ZC3H13: variants seen among roughly 807,000 people sequenced by gnomAD.
ZC3H13 encodes the protein zinc finger CCCH-type containing 13.
In ZC3H13, 64 loss-of-function variants were observed where a neutral mutation model predicts 204.1. That is an observed-to-expected ratio of 0.31 (90% CI 0.26 to 0.39). ZC3H13 has a LOEUF of 0.39. Among genes scored for constraint, ZC3H13 ranks in the 10% least tolerant of loss-of-function variants. The pLI, the probability that ZC3H13 is intolerant of heterozygous loss-of-function variation, is 1.00. For synonymous variants in ZC3H13, 667 were observed against 693.7 expected, an observed-to-expected ratio of 0.96 and a Z score of 0.60; for missense variants, 1,833 against 2,082.7, an observed-to-expected ratio of 0.88 and a Z score of 2.33.
intron 4 of ZC3H13, among the ~76,000 whole-genome samples, chr13:46,028,396 T>C (rs929640771): frequency 6.6e-6 from 1 of 152,156 alleles, no homozygotes; most frequent in African/African-American, 2.4e-5. Context: ...CCTTCCATCA[T>C]AAATGGAAAG....
Position 46,003,259 on chromosome 13 carries a change from G to A in ZC3H13, c.824C>T (p.Ala275Val). 1 of 1,612,868 alleles carries A rather than the reference G, an allele frequency of 6.2e-7. No individual in the cohort carries two copies. Among genetic ancestry groups the A allele is most frequent in the Non-Finnish European group, 8.5e-7 (1 of 1,179,692 alleles). ...TTTTTCTTTGTATTTTTTCCCCAGA[G>A]CGATATCTTCTGGTATAGGAGGGGG... ...SPPPPIPEDI[A>V]LGKKYKEKYK... The change falls in exon 8 of 19, where the codon GCT (alanine) becomes GTT (valine). Residue 275 changes from alanine to valine, a missense_variant. Transcript: ENST00000679008.
Position 46,011,428 on chromosome 13 carries a change from A to G in ZC3H13, c.575T>C (p.Ile192Thr), listed in dbSNP as rs1441200201. ...TAAATAGCATACCTCCTTTTTAATG[A>G]TAATTTCTTCTCTCTTCTCCATGTT... ...QENMEKREEIIIKKEVSPEVV... is the reference protein window; with the variant it reads ...QENMEKREEITIKKEVSPEVV... The change falls in exon 6 of 19, where the codon ATC (isoleucine) becomes ACC (threonine). Residue 192 changes from isoleucine to threonine, a missense_variant. Coordinates refer to ENST00000679008, the MANE Select transcript of ZC3H13 (RefSeq NM_001330564.2). 3.7e-6 allele frequency: 6 copies of G among 1,604,840 alleles called. No homozygotes were observed. The African/African-American group carries it at 8.1e-5, about 22-fold the overall frequency.
chr13:45,992,076 A>T (rs1341792280), intron 8 of ZC3H13, among the ~76,000 whole-genome samples: 1 of 152,174 alleles, frequency 6.6e-6, no homozygotes, highest in African/African-American at 2.4e-5. Flanking sequence ...TCATATTTTA[A>T]CCTTTAAAAT....
chr13:45,964,133 C>A, intron 16 of ZC3H13, 91 bp from the exon 17 acceptor site: 1 of 1,284,366 alleles, frequency 7.8e-7, no homozygotes. Flanking sequence ...AAGGAGAAAA[C>A]AGAAAAAATG....
chr13:45,975,412 CTT>C lies in ZC3H13; in HGVS notation c.2337_2338del (p.Arg780GlyfsTer2). The C allele has an allele frequency of 6.2e-7, 1 of 1,614,000 alleles. No homozygotes were observed. The highest frequency in any genetic ancestry group is 1.7e-5 in the Admixed American group (1 of 59,994). On this transcript the variant is annotated frameshift_variant, in exon 12 of 19. Coordinates refer to ENST00000679008, the MANE Select transcript of ZC3H13 (RefSeq NM_001330564.2). LOFTEE classifies it high-confidence loss of function. ...CCTTTGGCGTTCTCGTTCTTTATCC[CTT>C]TCTCTCGCTCTTTCTCGTTCCCGTT...
At chr13:46,029,291 A>C (rs2042728778) in intron 4 of ZC3H13, among the ~76,000 whole-genome samples, 1 of 152,222 alleles carries the variant, frequency 6.6e-6, no homozygotes, top group Non-Finnish European at 1.5e-5. Flanking sequence ...TCTATTTTAA[A>C]AATTGAATCA....
At position 45,985,627 on chromosome 13, in the gene ZC3H13, T is replaced by C; in HGVS notation, c.1390A>G (p.Thr464Ala). Residue 464 changes from threonine (T) to alanine (A), a missense_variant, in exon 10 of 19, where the codon ACT becomes GCT. Coordinates refer to ENST00000679008, the MANE Select transcript of ZC3H13 (RefSeq NM_001330564.2). ...TCTCTTAGTTCCCTTCGGTCCCTAG[T>C]ATCTCTGGCATCTCTCCGATCCCGA... ...DGRDRRDARDTRDRRELRDSR... is the reference protein window; with the variant it reads ...DGRDRRDARDARDRRELRDSR... 6.2e-7 allele frequency: 1 copy of C among 1,614,002 alleles called. No individual in the cohort carries two copies. Among genetic ancestry groups the C allele is most frequent in the Non-Finnish European group, 8.5e-7 (1 of 1,179,994 alleles).
chr13:46,036,473 G>A (rs1275052998), intron 4 of ZC3H13, among the ~76,000 whole-genome samples: 1 of 151,940 alleles, frequency 6.6e-6, no homozygotes, highest in Non-Finnish European at 1.5e-5. Flanking sequence ...GGTTGGGGTG[G>A]GGTAGGAAAC....
chr13:46,011,159 C>T (rs1463479253), intron 6 of ZC3H13, among the ~76,000 whole-genome samples: 2 of 152,088 alleles, frequency 1.3e-5, no homozygotes, highest in South Asian at 2.1e-4. Context: ...ATTCAAACCC[C>T]ATGTTACATT....
chr13:45,960,755 A>C (rs1289050545), intron 17 of ZC3H13, among the ~76,000 whole-genome samples: 1 of 152,240 alleles, frequency 6.6e-6, no homozygotes, highest in African/African-American at 2.4e-5. Context: ...TATTCATACA[A>C]CACGCTCAAG....
Position 45,969,860 on chromosome 13 carries a change from TTACGATCCTCCTCTTTCCATC to T in ZC3H13, c.2663_2683del (p.Arg888_Arg894del), listed in dbSNP as rs1952437227. Reference sequence around the variant, plus strand: ...CCTTGAACTCTCTTTCCTTTCTGGTTTACGATCCTCCTCTTTCCATCTACCCTGTCTGTCTTCTGTGAGGTG... The same window carrying T: ...CCTTGAACTCTCTTTCCTTTCTGGTTTACCCTGTCTGTCTTCTGTGAGGTG... On this transcript the variant is annotated inframe_deletion, in exon 14 of 19. Transcript: ENST00000679008. 3 of 1,613,976 alleles carry T rather than the reference TTACGATCCTCCTCTTTCCATC, an allele frequency of 1.9e-6. No individual in the cohort carries two copies. The highest frequency in any genetic ancestry group is 2.5e-6 in the Non-Finnish European group (3 of 1,180,016).
At chr13:45,985,983 T>A (rs902280900) in intron 9 of ZC3H13, among the ~76,000 whole-genome samples, 6 of 152,184 alleles carry the variant, frequency 3.9e-5, no homozygotes, top group Non-Finnish European at 8.8e-5. Context: ...AACTTACCTA[T>A]ACTGCCCCAA....
chr13:46,034,945 AT>A (rs2043122248), intron 4 of ZC3H13, among the ~76,000 whole-genome samples: 1 of 152,166 alleles, frequency 6.6e-6, no homozygotes, highest in Admixed American at 6.6e-5. Flanking sequence ...ACACGCATAT[AT>A]TTATTTGCTC....
intron 8 of ZC3H13, among the ~76,000 whole-genome samples, chr13:45,996,549 G>A (rs1269226706): frequency 2.0e-5 from 3 of 152,170 alleles, no homozygotes; most frequent in Non-Finnish European, 4.4e-5. Flanking sequence ...GTGGCACAGT[G>A]AAATCTTTTG....
intron 3 of ZC3H13, 76 bp downstream of exon 3, chr13:46,044,879 T>G: frequency 9.5e-7 from 1 of 1,047,854 alleles, no homozygotes; most frequent in Non-Finnish European, 1.3e-6. Context: ...ATGGTTGTAT[T>G]TCAGATTTTT....
Position 45,985,390 on chromosome 13 carries a change from T to C in ZC3H13, c.1627A>G (p.Ile543Val). ...HLREESSRTE[I>V]RNESRNESRS... is the part of the protein sequence containing the mutation. ...GACTCATTTCTGGACTCATTCCTTA[T>C]TTCCGTACGAGAACTTTCTTCTCTC... The change falls in exon 10 of 19, where the codon ATA (isoleucine) becomes GTA (valine). Residue 543 changes from isoleucine (I) to valine (V), a missense_variant. Coordinates refer to ENST00000679008, the MANE Select transcript of ZC3H13 (RefSeq NM_001330564.2). 1.9e-6 allele frequency: 3 copies of C among 1,614,234 alleles called. No homozygotes were observed. The highest frequency in any genetic ancestry group is 2.2e-5 in the East Asian group (1 of 44,886).
intron 4 of ZC3H13, among the ~76,000 whole-genome samples, chr13:46,038,762 C>T (rs1327202802): frequency 1.3e-5 from 2 of 152,158 alleles, no homozygotes; most frequent in Admixed American, 6.5e-5. Flanking sequence ...GTGGCTCATG[C>T]CTGTAATCCC....
chr13:45,968,888 T>G lies in ZC3H13; in HGVS notation c.3656A>C (p.Asp1219Ala). 6.2e-7 allele frequency: 1 copy of G among 1,614,204 alleles called. No homozygotes were observed. Among genetic ancestry groups the G allele is most frequent in the Non-Finnish European group, 8.5e-7 (1 of 1,180,036 alleles). The part of the protein sequence containing the change: ...PSNDSAHRSG[D>A]DQSGRKRVLH... ...TACTCTCTTTCGACCACTTTGGTCA[T>G]CTCCACTTCGATGGGCTGAATCATT... The change falls in exon 14 of 19, where the codon GAT (aspartate) becomes GCT (alanine). Residue 1219 changes from aspartate (D) to alanine (A), a missense_variant. Transcript: ENST00000679008.
rs546438111 is a variant in ZC3H13 at position 46,023,495 on chromosome 13, G to A, written c.340-2938C>T. ...GTCATCTTCTCTGGGCATATTAATC[G>A]GCTAGTGTGCTTCAATGAAACATGA... On this transcript the variant is annotated intron_variant, in intron 4 of 18. Transcript: ENST00000679008. Among the ~76,000 whole-genome samples the A allele has an allele frequency of 3.9e-5, 6 of 152,036 alleles. No homozygotes were observed. In the South Asian group the frequency reaches 1.0e-3, roughly 26 times the overall value.
Sources: allele counts gnomAD v4.1 joint callset (sites outside exome capture counted in the v4.1 genomes callset), GRCh38; gene constraint gnomAD v4.1.1; transcripts MANE v1.5; gene names NCBI Gene and HGNC (gene_info 2026-07-23, HGNC 2026-07-21).